TTC27: variants seen among roughly 807,000 people sequenced by gnomAD.
The protein encoded by TTC27 is tetratricopeptide repeat domain 27.
In TTC27, 79 loss-of-function variants were observed where a neutral mutation model predicts 115.9. The observed-to-expected ratio is 0.68, with a 90% CI of 0.57 to 0.82. The LOEUF is 0.82. TTC27 is among the 40% of genes least tolerant of loss of function. The probability of loss-of-function intolerance (pLI) is 0.00; values close to 1 mark genes in which losing one functional copy is unlikely to be tolerated. For synonymous variants in TTC27, 401 were observed against 356.0 expected, an observed-to-expected ratio of 1.13 and a Z score of -1.42; for missense variants, 1,054 against 993.1, an observed-to-expected ratio of 1.06 and a Z score of -0.82.
chr2:32,646,853 G>A (rs571473318), intron 4 of TTC27, among the ~76,000 whole-genome samples: 25 of 152,014 alleles, frequency 1.6e-4, no homozygotes, highest in East Asian at 3.9e-4. Flanking sequence ...ATGAGCCACC[G>A]CGCCCGGCCT....
chr2:32,696,996 C>G (rs978533698), intron 9 of TTC27, among the ~76,000 whole-genome samples: 26 of 152,110 alleles, frequency 1.7e-4, no homozygotes, highest in Admixed American at 3.3e-4. Flanking sequence ...CCCAGGAGTT[C>G]GAGACCCGCC....
At chr2:32,781,067 G>A (rs1572607698) in intron 14 of TTC27, among the ~76,000 whole-genome samples, 1 of 152,140 alleles carries the variant, frequency 6.6e-6, no homozygotes, top group East Asian at 1.9e-4. Flanking sequence ...GTAAGGGTTT[G>A]GGGAGCTGGC....
At chr2:32,645,829 G>A (rs1342980464) in intron 4 of TTC27, among the ~76,000 whole-genome samples, 1 of 151,536 alleles carries the variant, frequency 6.6e-6, no homozygotes, top group Non-Finnish European at 1.5e-5. Flanking sequence ...TGATTCTCCT[G>A]CCTCAGCCTC....
chr2:32,650,122 T>A lies in TTC27; in HGVS notation c.538-9T>A. 1 of 1,611,056 alleles carries A rather than the reference T, an allele frequency of 6.2e-7. No homozygotes were observed. Among genetic ancestry groups the A allele is most frequent in the Non-Finnish European group, 8.5e-7 (1 of 1,178,056 alleles). On this transcript the variant is annotated splice_polypyrimidine_tract_variant and intron_variant, in intron 4 of 19. Coordinates refer to ENST00000317907, the MANE Select transcript of TTC27 (RefSeq NM_017735.5). ...CTTTTATTTCAGCTTACGTGGTGTT[T>A]TTTCCTAGAGCTTGCCATGGTGGAC...
intron 5 of TTC27, among the ~76,000 whole-genome samples, chr2:32,659,466 C>T (rs767193052): frequency 4.0e-5 from 6 of 150,918 alleles, no homozygotes; most frequent in South Asian, 4.2e-4. Flanking sequence ...TACATTTTCA[C>T]GCCATAAAAA....
At chr2:32,813,613 C>T (rs920642197) in intron 18 of TTC27, among the ~76,000 whole-genome samples, 1 of 152,160 alleles carries the variant, frequency 6.6e-6, no homozygotes, top group African/African-American at 2.4e-5. Flanking sequence ...CACCCTCTTC[C>T]TTCCAAAGTA....
At position 32,666,591 on chromosome 2, in the gene TTC27, A is replaced by G. The variant is rs757601546; in HGVS notation, c.806-44A>G. 9 of 1,603,988 alleles carry G rather than the reference A, an allele frequency of 5.6e-6. No homozygotes were observed. In the East Asian group the frequency reaches 2.0e-4, roughly 36 times the overall value. ...ATTACTCTTCATGACTGTACAGTAG[A>G]TCTCATGGGTAAGTCAGTAGATATA... On this transcript the variant is annotated intron_variant, in intron 6 of 19. Transcript: ENST00000317907.
At chr2:32,682,844 GTTGTT>G (rs1207481955) in intron 9 of TTC27, among the ~76,000 whole-genome samples, 46 of 56,978 alleles carry the variant, frequency 8.1e-4, no homozygotes, top group African/African-American at 2.4e-3. Context: ...AATTTTTATT[GTTGTT>G]TTTTTTTTTT....
At chr2:32,703,015 T>G in intron 10 of TTC27, 95 bp downstream of exon 10, 1 of 848,442 alleles carries the variant, frequency 1.2e-6, no homozygotes, top group East Asian at 2.5e-5. Context: ...ATGAAATGGC[T>G]TACATTTCAC....
At chr2:32,666,076 A>G (rs1020184271) in intron 6 of TTC27, among the ~76,000 whole-genome samples, 3 of 152,158 alleles carry the variant, frequency 2.0e-5, no homozygotes, top group Non-Finnish European at 4.4e-5. Context: ...TTGTCCAGAG[A>G]GTGGATGTTG....
At chr2:32,785,934 G>A (rs938632437) in intron 15 of TTC27, among the ~76,000 whole-genome samples, 10 of 114,068 alleles carry the variant, frequency 8.8e-5, no homozygotes, top group Admixed American at 4.8e-4. Flanking sequence ...GAAATTTCCA[G>A]TTATTTTATT....
chr2:32,783,653 G>A (rs1670255018), intron 15 of TTC27, among the ~76,000 whole-genome samples: 2 of 152,200 alleles, frequency 1.3e-5, no homozygotes, highest in Non-Finnish European at 2.9e-5. Context: ...CTGCAGGCTG[G>A]GAAACCAGTT....
chr2:32,813,355 C>G (rs1671381139), intron 18 of TTC27, among the ~76,000 whole-genome samples: 1 of 152,150 alleles, frequency 6.6e-6, no homozygotes, highest in African/African-American at 2.4e-5. Context: ...ATAATTACAA[C>G]AAATAGGGAG....
chr2:32,702,683 G>A (rs1315273919), intron 9 of TTC27, 124 bp from the exon 10 acceptor site: 3 of 630,474 alleles, frequency 4.8e-6, no homozygotes, highest in Admixed American at 5.5e-5. Flanking sequence ...TGTTAACTGG[G>A]AAGATTTTCA....
chr2:32,638,895 C>G (rs1377279857), intron 3 of TTC27, among the ~76,000 whole-genome samples: 1 of 151,862 alleles, frequency 6.6e-6, no homozygotes, highest in East Asian at 1.9e-4. Flanking sequence ...TGCAGTGGCA[C>G]AATCTGGGCT....
chr2:32,633,419 T>C (rs1361116178), intron 2 of TTC27, among the ~76,000 whole-genome samples: 2 of 152,192 alleles, frequency 1.3e-5, no homozygotes, highest in Non-Finnish European at 2.9e-5. Flanking sequence ...CTAATTTCTT[T>C]TTTTTTTAAG....
chr2:32,750,720 A>G (rs1668981588), intron 12 of TTC27, among the ~76,000 whole-genome samples: 1 of 152,242 alleles, frequency 6.6e-6, no homozygotes, highest in Admixed American at 6.5e-5. Context: ...CTTACAACAT[A>G]TAAAGTTAAA....
intron 5 of TTC27, among the ~76,000 whole-genome samples, chr2:32,655,221 A>G (rs192919346): frequency 2.0e-5 from 3 of 151,860 alleles, no homozygotes; most frequent in Non-Finnish European, 2.9e-5. Context: ...TTGAAGTCTG[A>G]TCTCATGATC....
At chr2:32,803,436 G>C (rs1671026024) in intron 16 of TTC27, among the ~76,000 whole-genome samples, 1 of 152,216 alleles carries the variant, frequency 6.6e-6, no homozygotes, top group Non-Finnish European at 1.5e-5. Flanking sequence ...AAAAGGGACA[G>C]ATAAACACTT....
Sources: gnomAD v4.1 joint callset for allele counts (sites outside exome capture counted in the v4.1 genomes callset) on GRCh38, gnomAD v4.1.1 for gene constraint, MANE v1.5 for transcripts, NCBI Gene and HGNC (gene_info 2026-07-23, HGNC 2026-07-21) for gene names.